TMEM165: variants seen among roughly 807,000 people sequenced by gnomAD.
The protein encoded by TMEM165 is transmembrane protein 165.
TMEM165 carries 19 observed loss-of-function variants against 30.0 expected under a neutral mutation model. The observed-to-expected ratio is 0.63, with a 90% CI of 0.44 to 0.93. TMEM165 has a LOEUF of 0.93. Ranked by LOEUF, TMEM165 falls within the 40% of genes least tolerant of loss-of-function variation. The pLI is 0.00. For missense variants in TMEM165, 340 were observed against 417.0 expected (o/e 0.82, Z 1.61); for synonymous variants, 168 against 162.9 (o/e 1.03, Z -0.24).
intron 1 of TMEM165, among the ~76,000 whole-genome samples, chr4:55,402,661 T>C (rs187165376): frequency 4.8e-5 from 7 of 145,828 alleles, no homozygotes; most frequent in Non-Finnish European, 8.9e-5. Flanking sequence ...TTGGCCAGGC[T>C]GGTCTCAAGC....
chr4:55,412,776 CA>C (rs531096967), intron 2 of TMEM165: 166 of 152,016 alleles, frequency 1.1e-3, no homozygotes, highest in African/African-American at 3.6e-3. Flanking sequence ...TATCTACCTG[CA>C]ATAAAAATAT....
chr4:55,444,891 A>T (rs1452464243), intron 3 of TMEM165: 147 of 1,081,590 alleles, frequency 1.4e-4, no homozygotes, highest in Non-Finnish European at 1.7e-4. Context: ...AAGGATGATA[A>T]CATCCTTCAC....
At chr4:55,396,707 T>C (rs912900861) in intron 1 of TMEM165, among the ~76,000 whole-genome samples, 2 of 152,322 alleles carry the variant, frequency 1.3e-5, no homozygotes, top group East Asian at 3.9e-4. Flanking sequence ...CTAGAAAGAC[T>C]CATCCCTACC....
chr4:55,427,566 A>AACTC (rs1276816511), downstream of TMEM165, among the ~76,000 whole-genome samples: 2 of 151,186 alleles, frequency 1.3e-5, no homozygotes, highest in Non-Finnish European at 1.5e-5. Context: ...GCTGGTCTTG[A>AACTC]ACTCATGACC....
Position 55,420,895 on chromosome 4 carries a change from G to A in TMEM165, c.792+2910G>A, listed in dbSNP as rs779931687. Among the ~76,000 whole-genome samples, 5 of 149,832 alleles carry A rather than the reference G, an allele frequency of 3.3e-5. No individual in the cohort carries two copies. The South Asian group carries it at 1.1e-3, about 34-fold the overall frequency. ...GCAAATAATATATCCCTGTCGTTTT[G>A]TTTTTTCTTTTTAAGACTTGGGCCA... On this transcript the variant is annotated intron_variant, in intron 4 of 5. Coordinates refer to ENST00000381334, the MANE Select transcript of TMEM165 (RefSeq NM_018475.5).
chr4:55,413,792 A>C (rs1391079880), intron 2 of TMEM165, among the ~76,000 whole-genome samples: 1 of 152,232 alleles, frequency 6.6e-6, no homozygotes, highest in African/African-American at 2.4e-5. Flanking sequence ...AAAATTGTAA[A>C]TGTGTATATA....
At position 55,440,491 on chromosome 4, in the gene TMEM165, G is replaced by A. The variant is rs186545634; in HGVS notation, c.409-11748G>A. Among the ~76,000 whole-genome samples the A allele has an allele frequency of 5.9e-5, 9 of 152,230 alleles. No individual in the cohort carries two copies. In the East Asian group the frequency reaches 1.7e-3, roughly 29 times the overall value. On this transcript the variant is annotated intron_variant, in intron 3 of 3. Transcript: ENST00000608091. ...AACATAGATGTGGCATGACATAACT[G>A]TATTTACAAACTGTTTATGTAACAA...
At chr4:55,435,658 C>T (rs1722820188) in intron 3 of TMEM165, 10 of 1,510,382 alleles carry the variant, frequency 6.6e-6, no homozygotes, top group Non-Finnish European at 9.2e-6. Flanking sequence ...ATAATAGTTA[C>T]TCACACTCTC....
chr4:55,448,741 T>G, intron 3 of TMEM165: 1 of 1,517,928 alleles, frequency 6.6e-7, no homozygotes, highest in Non-Finnish European at 9.1e-7. Context: ...CAATTTATCA[T>G]ATTCAAATAC....
At chr4:55,425,324 T>C in intron 5 of TMEM165, 52 bp from the exon 6 acceptor site, 2 of 1,454,060 alleles carry the variant, frequency 1.4e-6, no homozygotes, top group Non-Finnish European at 1.9e-6. Flanking sequence ...TTTTGTACAG[T>C]ATCAAGGTAT....
chr4:55,422,540 GAACC>G (rs1244221202), intron 4 of TMEM165, among the ~76,000 whole-genome samples: 1 of 152,118 alleles, frequency 6.6e-6, no homozygotes, highest in Non-Finnish European at 1.5e-5. Context: ...TTACATGTGT[GAACC>G]ATCCACCCAC....
chr4:55,427,844 A>C (rs1354547434), downstream of TMEM165: 1 of 152,204 alleles, frequency 6.6e-6, no homozygotes, highest in African/African-American at 2.4e-5. Context: ...CCTAAGCTAT[A>C]AGGTAAAAAT....
chr4:55,439,344 T>TA (rs1723157565), intron 3 of TMEM165, among the ~76,000 whole-genome samples: 1 of 152,178 alleles, frequency 6.6e-6, no homozygotes, highest in South Asian at 2.1e-4. Context: ...ATGGCTATTA[T>TA]AAAAAACAAA....
At chr4:55,430,401 A>G (rs1041299903), downstream of TMEM165, 1 of 152,224 alleles carries the variant, frequency 6.6e-6, no homozygotes, top group Non-Finnish European at 1.5e-5. Flanking sequence ...GGGGGAAAAA[A>G]CTATGCAAAA....
intron 3 of TMEM165, among the ~76,000 whole-genome samples, chr4:55,441,110 A>G (rs11133380): frequency 0.34 from 51,347 of 152,046 alleles, 9,368 homozygotes; most frequent in East Asian, 0.58. Context: ...TTGGGGAAGG[A>G]ACGATGCCAT....
At chr4:55,401,032 A>G (rs903503847) in intron 1 of TMEM165, among the ~76,000 whole-genome samples, 4 of 150,406 alleles carry the variant, frequency 2.7e-5, no homozygotes, top group Admixed American at 6.6e-5. Context: ...TTTTTGTGCC[A>G]CTGTGTGAGA....
intron 2 of TMEM165, chr4:55,412,175 A>G: frequency 3.0e-6 from 1 of 332,128 alleles, no homozygotes; most frequent in East Asian, 8.7e-5. Context: ...TGGACAGATC[A>G]CGAGGTCAGG....
intron 3 of TMEM165, chr4:55,434,217 G>T (rs1425243550): frequency 6.6e-5 from 10 of 152,560 alleles, no homozygotes. Flanking sequence ...GCACTATGGG[G>T]TTTTTTCCCC....
At chr4:55,402,004 G>A (rs1310372977) in intron 1 of TMEM165, among the ~76,000 whole-genome samples, 1 of 148,380 alleles carries the variant, frequency 6.7e-6, no homozygotes, top group East Asian at 1.9e-4. Flanking sequence ...TGTAATCCCA[G>A]CTACTCAGGA....
Sources: allele counts gnomAD v4.1 joint callset (sites outside exome capture counted in the v4.1 genomes callset), GRCh38; gene constraint gnomAD v4.1.1; transcripts MANE v1.5; gene names NCBI Gene and HGNC (gene_info 2026-07-23, HGNC 2026-07-21).